XPNPEP1: variants seen among roughly 807,000 people sequenced by gnomAD.
The protein encoded by XPNPEP1 is xaa-Pro aminopeptidase 1.
Under a neutral mutation model 92.4 loss-of-function variants are expected in XPNPEP1, and 39 were observed. The ratio of observed to expected loss-of-function variants is 0.42; its 90% CI spans 0.33 to 0.55. The LOEUF (loss-of-function observed/expected upper bound fraction) is 0.55, where lower values mean the gene tolerates loss of function less well. Ranked by LOEUF, XPNPEP1 falls within the 20% of genes least tolerant of loss-of-function variation. The pLI, the probability that XPNPEP1 is intolerant of heterozygous loss-of-function variation, is 0.08. For missense variants in XPNPEP1, 654 were observed against 856.1 expected, an observed-to-expected ratio of 0.76 and a Z score of 2.95; for synonymous variants, 307 against 299.4, an observed-to-expected ratio of 1.03 and a Z score of -0.26.
intron 3 of XPNPEP1, among the ~76,000 whole-genome samples, chr10:109,897,630 C>T (rs1181545395): frequency 6.6e-6 from 1 of 151,526 alleles, no homozygotes; most frequent in East Asian, 1.9e-4. Flanking sequence ...CAGTAAATGG[C>T]AGAACCAAGA....
intron 4 of XPNPEP1, 149 bp downstream of exon 4, chr10:109,892,862 TG>T: frequency 1.4e-6 from 1 of 716,550 alleles, no homozygotes; most frequent in Non-Finnish European, 2.4e-6. Flanking sequence ...AGGGAAAGAC[TG>T]GGAACCCACA....
intron 10 of XPNPEP1, 55 bp downstream of exon 10, chr10:109,882,377 C>A: frequency 6.3e-7 from 1 of 1,579,228 alleles, no homozygotes; most frequent in Admixed American, 1.7e-5. Flanking sequence ...AAAGACAATA[C>A]CAGAACTGGG....
rs1483208568 is a variant in XPNPEP1 at position 109,867,608 on chromosome 10, A to AC, written c.1872+1005dup. Among the ~76,000 whole-genome samples the AC allele has an allele frequency of 6.6e-6, 1 of 152,176 alleles. No homozygotes were observed. The highest frequency in any genetic ancestry group is 6.5e-5 in the Admixed American group (1 of 15,288). On this transcript the variant is annotated intron_variant, in intron 20 of 20. Transcript: ENST00000502935. This position sits in a 1 kb window ranked among gnomAD's most constrained non-coding sequence, Gnocchi z 4.5. ...GCTCCTGTGGAAGGGAAGGTCCTTA[A>AC]CCCCCAAAGACCCTTTCCTTTACAG... is the stretch of plus-strand genomic sequence containing the variant.
At chr10:109,871,896 G>C (rs528677335) in intron 16 of XPNPEP1, 35 bp from the exon 17 acceptor site, 1 of 1,601,814 alleles carries the variant, frequency 6.2e-7, no homozygotes, top group South Asian at 1.1e-5. Context: ...TTGCAGAATG[G>C]GGACAGATGT....
At chr10:109,915,263 T>C (rs1589636164) in intron 1 of XPNPEP1, 164 bp from the exon 2 acceptor site, 1 of 411,556 alleles carries the variant, frequency 2.4e-6, no homozygotes, top group Non-Finnish European at 4.3e-6. Context: ...GATGTAAAAC[T>C]TGCAGGTGTA....
chr10:109,907,882 T>G lies in XPNPEP1; in HGVS notation c.122-67A>C, dbSNP rs918838792. 2.5e-6 allele frequency: 4 copies of G among 1,594,576 alleles called. No homozygotes were observed. The Admixed American group carries it at 5.1e-5, about 20-fold the overall frequency. On this transcript the variant is annotated intron_variant, in intron 2 of 20. Transcript: ENST00000502935. The stretch of plus-strand genomic sequence containing the variant: ...CAGCAATTCAACGTCCAGTTCGAAG[T>G]GGGCCACAGAGAGAAGTGCCTTCTA...
intron 3 of XPNPEP1, among the ~76,000 whole-genome samples, chr10:109,901,200 G>A (rs140879100): frequency 1.5e-3 from 208 of 143,154 alleles, no homozygotes; most frequent in African/African-American, 5.1e-3. Context: ...ACCAAACACC[G>A]CATGTTCTCA....
At position 109,915,106 on chromosome 10, in the gene XPNPEP1, G is replaced by C; in HGVS notation, c.33-7C>G. 1.3e-6 allele frequency: 2 copies of C among 1,505,004 alleles called. No homozygotes were observed. Among genetic ancestry groups the C allele is most frequent in the Non-Finnish European group, 1.8e-6 (2 of 1,126,942 alleles). 93.2% of individuals were successfully genotyped at this position (1,505,004 alleles called of 1,614,324 possible). A position where few individuals can be genotyped will look rare whatever the true frequency, so the allele number is the denominator to read the frequency against. ...AAAATCCTGGTGATTCACCCTTAAG[G>C]AGAGAAAGAACAGGAAGTTGCAGAC... On this transcript the variant is annotated splice_polypyrimidine_tract_variant and splice_region_variant and intron_variant, in intron 1 of 20. Coordinates refer to ENST00000502935, the MANE Select transcript of XPNPEP1 (RefSeq NM_020383.4).
At chr10:109,887,916 C>T (rs2133427433) in intron 7 of XPNPEP1, 133 bp downstream of exon 7, 1 of 1,272,532 alleles carries the variant, frequency 7.9e-7, no homozygotes, top group East Asian at 2.7e-5. Flanking sequence ...AAATATCCCA[C>T]TGGGGCAGAG....
intron 1 of XPNPEP1, among the ~76,000 whole-genome samples, chr10:109,920,363 A>G (rs1433359233): frequency 2.0e-5 from 3 of 152,242 alleles, no homozygotes; most frequent in Non-Finnish European, 4.4e-5. Context: ...GATGAATTGT[A>G]TATAAGTGAA....
In XPNPEP1 at chr10:109,888,487, G is replaced by A. The variant is rs1343049293; in HGVS notation, c.508+16C>T. 6.2e-7 allele frequency: 1 copy of A among 1,600,354 alleles called. No homozygotes were observed. Among genetic ancestry groups the A allele is most frequent in the Non-Finnish European group, 8.5e-7 (1 of 1,173,030 alleles). On this transcript the variant is annotated intron_variant, in intron 6 of 20. Coordinates refer to ENST00000502935, the MANE Select transcript of XPNPEP1 (RefSeq NM_020383.4). Reference sequence around the variant, plus strand: ...CCACTTCCTTACCCAAGCAGAAAGGGACCAAGCTCACTTACCTGTAGGAAT... The same window carrying A: ...CCACTTCCTTACCCAAGCAGAAAGGAACCAAGCTCACTTACCTGTAGGAAT...
intron 10 of XPNPEP1, among the ~76,000 whole-genome samples, chr10:109,881,323 T>A (rs1199234327): frequency 1.3e-5 from 2 of 152,192 alleles, no homozygotes; most frequent in Non-Finnish European, 2.9e-5. Flanking sequence ...TTTCTCCCTG[T>A]CTAGCCATGC....
At chr10:109,881,567 G>A (rs970113213) in intron 10 of XPNPEP1, among the ~76,000 whole-genome samples, 1 of 152,244 alleles carries the variant, frequency 6.6e-6, no homozygotes, top group African/African-American at 2.4e-5. Flanking sequence ...AGGAGAGAGA[G>A]AGAGGAGGAG....
intron 18 of XPNPEP1, among the ~76,000 whole-genome samples, chr10:109,870,257 C>T (rs1847381042): frequency 6.6e-6 from 1 of 152,038 alleles, no homozygotes; most frequent in Non-Finnish European, 1.5e-5. Flanking sequence ...TGCACACTGG[C>T]TACAGGGTAA....
chr10:109,899,519 GA>G, intron 3 of XPNPEP1, among the ~76,000 whole-genome samples: 1 of 152,330 alleles, frequency 6.6e-6, no homozygotes, highest in African/African-American at 2.4e-5. Context: ...CCAGGCCACT[GA>G]AACTTCGAGA....
intron 3 of XPNPEP1, among the ~76,000 whole-genome samples, chr10:109,898,201 A>C (rs1291726465): frequency 1.3e-5 from 2 of 152,196 alleles, no homozygotes; most frequent in Non-Finnish European, 2.9e-5. Context: ...CCTGGGGCTC[A>C]ACTTCCTCAT....
intron 3 of XPNPEP1, among the ~76,000 whole-genome samples, chr10:109,900,453 A>G (rs906132131): frequency 6.6e-6 from 1 of 152,122 alleles, no homozygotes; most frequent in African/African-American, 2.4e-5. Context: ...CGCCCCAACT[A>G]TGTGGCTCTT....
intron 1 of XPNPEP1, among the ~76,000 whole-genome samples, chr10:109,918,926 A>G (rs1394097936): frequency 6.6e-6 from 1 of 151,500 alleles, no homozygotes; most frequent in Non-Finnish European, 1.5e-5. Flanking sequence ...GAGAGAGAGA[A>G]AAAAGAAAAA....
intron 1 of XPNPEP1, among the ~76,000 whole-genome samples, chr10:109,918,804 G>A (rs890920493): frequency 7.1e-6 from 1 of 140,290 alleles, no homozygotes; most frequent in East Asian, 2.1e-4. Flanking sequence ...AGGAGAGGAA[G>A]GAAAGGAAAG....
Sources: allele counts gnomAD v4.1 joint callset (sites outside exome capture counted in the v4.1 genomes callset), GRCh38; gene constraint gnomAD v4.1.1; non-coding constraint Gnocchi (gnomAD v3.1); transcripts MANE v1.5; gene names NCBI Gene and HGNC (gene_info 2026-07-23, HGNC 2026-07-21).